Variants in CES5A observed in about 807,000 individuals in gnomAD.
CES5A encodes the protein carboxylesterase 5A, also known as carboxylesterase 5.
In CES5A, 67 loss-of-function variants were observed where a neutral mutation model predicts 62.9. The observed-to-expected ratio is 1.07, with a 90% confidence interval of 0.88 to 1.31. CES5A has a LOEUF of 1.31. CES5A is among the 50% of genes most tolerant of loss of function. The pLI is 0.00. For synonymous variants in CES5A, 296 were observed against 280.8 expected (o/e 1.05, Z -0.54); for missense variants, 748 against 708.5 (o/e 1.06, Z -0.63).
At chr16:55,879,452 A>G (rs1278281537), upstream of CES5A, among the ~76,000 whole-genome samples, 1 of 150,232 alleles carries the variant, frequency 6.7e-6, no homozygotes, top group Non-Finnish European at 1.5e-5. Context: ...CATCCCTGCA[A>G]GCCCATGACT....
intron 8 of CES5A, among the ~76,000 whole-genome samples, chr16:55,856,958 T>G (rs1200431055): frequency 1.3e-5 from 2 of 152,266 alleles, no homozygotes; most frequent in Non-Finnish European, 2.9e-5. Flanking sequence ...GTCTGTGGTG[T>G]AAGCCTCCCA....
intron 1 of CES5A, among the ~76,000 whole-genome samples, chr16:55,916,210 T>G (rs1384002281): frequency 6.6e-6 from 1 of 152,146 alleles, no homozygotes; most frequent in Non-Finnish European, 1.5e-5. Flanking sequence ...TGGCCAATCT[T>G]AGGATCTAAG....
intron 5 of CES5A, among the ~76,000 whole-genome samples, chr16:55,863,677 C>T (rs1277140848): frequency 6.6e-6 from 1 of 152,146 alleles, no homozygotes; most frequent in East Asian, 1.9e-4. Context: ...GTCAAATGTT[C>T]AGGCATGTGA....
At chr16:55,852,600 C>T (rs2033153770) in intron 10 of CES5A, among the ~76,000 whole-genome samples, 1 of 152,164 alleles carries the variant, frequency 6.6e-6, no homozygotes, top group Non-Finnish European at 1.5e-5. Context: ...AAGAAAAAAT[C>T]CTTGGGGATG....
chr16:55,919,729 T>G (rs1207245127), intron 1 of CES5A, among the ~76,000 whole-genome samples: 1 of 152,218 alleles, frequency 6.6e-6, no homozygotes, highest in Admixed American at 6.5e-5. Flanking sequence ...TTCCCATCTG[T>G]TGTCTCATTT....
At chr16:55,926,886 T>C (rs1031486826), upstream of CES5A, among the ~76,000 whole-genome samples, 4 of 152,226 alleles carry the variant, frequency 2.6e-5, no homozygotes, top group Admixed American at 6.5e-5. Context: ...CATCCACCTC[T>C]TAGTAGCCAT....
intron 1 of CES5A, among the ~76,000 whole-genome samples, chr16:55,919,289 A>G (rs2034177844): frequency 6.6e-6 from 1 of 152,250 alleles, no homozygotes. Context: ...ATGAAGACAT[A>G]TAGTCAGAGA....
At chr16:55,902,684 C>T (rs1162259653) in intron 1 of CES5A, among the ~76,000 whole-genome samples, 1 of 152,204 alleles carries the variant, frequency 6.6e-6, no homozygotes, top group Non-Finnish European at 1.5e-5. Context: ...TTGAAGGAAA[C>T]TCAGAAGACA....
intron 1 of CES5A, among the ~76,000 whole-genome samples, chr16:55,900,927 T>C (rs987673272): frequency 7.2e-5 from 11 of 152,114 alleles, no homozygotes; most frequent in Non-Finnish European, 7.4e-5. Context: ...CACTGTGTGA[T>C]AGGGAAACTG....
At chr16:55,878,984 C>G (rs2033731721), upstream of CES5A, among the ~76,000 whole-genome samples, 1 of 149,064 alleles carries the variant, frequency 6.7e-6, no homozygotes, top group Non-Finnish European at 1.5e-5. Context: ...ATTGCTGCAC[C>G]CCATCACTGT....
At chr16:55,898,319 A>G (rs1437820414) in intron 1 of CES5A, among the ~76,000 whole-genome samples, 3 of 152,242 alleles carry the variant, frequency 2.0e-5, no homozygotes, top group African/African-American at 7.2e-5. Flanking sequence ...TAGGGTGGGT[A>G]GATCTGCAAG....
intron 8 of CES5A, among the ~76,000 whole-genome samples, chr16:55,857,440 T>C (rs2033264820): frequency 6.6e-6 from 1 of 152,220 alleles, no homozygotes; most frequent in East Asian, 1.9e-4. Context: ...TTTCTTGGTA[T>C]GTTTTCTGCT....
chr16:55,898,840 C>T (rs2033961049), intron 1 of CES5A, among the ~76,000 whole-genome samples: 1 of 151,998 alleles, frequency 6.6e-6, no homozygotes, highest in South Asian at 2.1e-4. Flanking sequence ...GCATGGTCAC[C>T]CTCATGACCA....
intron 1 of CES5A, among the ~76,000 whole-genome samples, chr16:55,908,108 G>C (rs1259253496): frequency 6.6e-6 from 1 of 151,976 alleles, no homozygotes; most frequent in African/African-American, 2.4e-5. Context: ...TCCTTCCCCT[G>C]CCCTGTCTGA....
At chr16:55,869,381 G>A in intron 4 of CES5A, 1 of 666,112 alleles carries the variant, frequency 1.5e-6, no homozygotes, top group Non-Finnish European at 2.2e-6. Flanking sequence ...CTGCCGATCA[G>A]GGATGCTCAA....
chr16:55,861,907 G>A lies in CES5A; in HGVS notation c.811-391C>T, dbSNP rs1416341123. 2.0e-5 allele frequency among the ~76,000 whole-genome samples: 3 copies of A among 152,252 alleles called. No individual in the cohort carries two copies. In the East Asian group the frequency reaches 5.8e-4, roughly 29 times the overall value. On this transcript the variant is annotated intron_variant, in intron 6 of 12. Transcript: ENST00000290567. ...GGTGCTGAATGAAGACAAACACCAAGAGTGAGGAGCAGCTTTGGAAGCTCC... is the reference window on the plus strand; with the variant it reads ...GGTGCTGAATGAAGACAAACACCAAAAGTGAGGAGCAGCTTTGGAAGCTCC...
intron 2 of CES5A, 83 bp downstream of exon 2, chr16:55,873,750 C>G: frequency 5.4e-6 from 7 of 1,289,872 alleles, no homozygotes; most frequent in Non-Finnish European, 6.5e-6. Context: ...GCCAATCCCT[C>G]TTCTTTCACA....
chr16:55,922,475 C>A (rs1260701970), intron 1 of CES5A, among the ~76,000 whole-genome samples: 1 of 151,868 alleles, frequency 6.6e-6, no homozygotes. Context: ...ATAAAGGGGT[C>A]AATTCAGCAA....
chr16:55,933,296 A>G (rs554310381), intron 2 of CES5A, among the ~76,000 whole-genome samples: 1 of 152,344 alleles, frequency 6.6e-6, no homozygotes, highest in East Asian at 1.9e-4. Context: ...GACATGGGAT[A>G]TCTCATAAGC....
Sources: gnomAD v4.1 joint callset for allele counts (sites outside exome capture counted in the v4.1 genomes callset) on GRCh38, gnomAD v4.1.1 for gene constraint, MANE v1.5 for transcripts, NCBI Gene and HGNC (gene_info 2026-07-23, HGNC 2026-07-21) for gene names.